NSD2: variants seen among roughly 807,000 people sequenced by gnomAD.
The protein encoded by NSD2 is nuclear receptor binding SET domain protein 2.
NSD2 carries 12 observed loss-of-function variants against 139.0 expected under a neutral mutation model. The observed-to-expected ratio is 0.09, with a 90% CI of 0.06 to 0.14. NSD2 has a LOEUF of 0.14. NSD2 is among the 10% of genes least tolerant of loss of function. NSD2 has a pLI of 1.00. For synonymous variants in NSD2, 669 were observed against 648.7 expected (o/e 1.03, Z -0.48); for missense variants, 1,155 against 1,745.0 (o/e 0.66, Z 6.02).
Position 1,879,824 on chromosome 4 carries a change from TTGTGTG to T in NSD2, c.-30+8312_-30+8317del, listed in dbSNP as rs140755867. On this transcript the variant is annotated intron_variant, in intron 1 of 21. Coordinates refer to ENST00000508803, the MANE Select transcript of NSD2 (RefSeq NM_001042424.3). The stretch of plus-strand genomic sequence containing the variant: ...GTTGCAGACCCTGGGCCCATGGCAC[TTGTGTG>T]TGTGTGTGTGTGTGTGTGTGTGTGT... 3.8e-3 allele frequency among the ~76,000 whole-genome samples: 552 copies of T among 144,142 alleles called. 5 individuals are homozygous for T. The highest frequency in any genetic ancestry group is 0.011 in the African/African-American group (438 of 39,074). 94.6% of individuals were successfully genotyped at this position (144,142 alleles called of 152,430 possible). A position where few individuals can be genotyped will look rare whatever the true frequency, so the allele number is the denominator to read the frequency against.
intron 1 of NSD2, among the ~76,000 whole-genome samples, chr4:1,885,042 G>A (rs545678592): frequency 1.3e-5 from 2 of 151,856 alleles, no homozygotes; most frequent in East Asian, 1.9e-4. Context: ...CCCGGGAGGC[G>A]GAGGTTGCAG....
intron 3 of NSD2, among the ~76,000 whole-genome samples, chr4:1,907,987 T>TA (rs1718163905): frequency 6.6e-6 from 1 of 152,180 alleles, no homozygotes; most frequent in Non-Finnish European, 1.5e-5. Flanking sequence ...ACAGTTTCCT[T>TA]ATTGACTCAG....
Position 1,975,327 on chromosome 4 carries a change from G to A in NSD2, c.3548G>A (p.Cys1183Tyr). The stretch of plus-strand genomic sequence containing the variant: ...CTGACTTTTAACTACAACCTCGATT[G>A]TCTGGGCAATGAAAAAACGGTCTGC... ...TELTFNYNLD[C>Y]LGNEKTVCRC... Residue 1183 changes from cysteine to tyrosine, a missense_variant, in exon 20 of 22, where the codon TGT becomes TAT. Cys to Tyr is a radical substitution (Grantham distance 194). This residue lies in a region of NSD2 where 139 missense variants were observed against 485.8 expected (regional missense o/e 0.29). Transcript: ENST00000508803. 1 of 1,614,180 alleles carries A rather than the reference G, an allele frequency of 6.2e-7. No homozygotes were observed. Among genetic ancestry groups the A allele is most frequent in the Non-Finnish European group, 8.5e-7 (1 of 1,180,038 alleles).
At chr4:1,927,185 T>G (rs1048001037) in intron 5 of NSD2, among the ~76,000 whole-genome samples, 2 of 152,150 alleles carry the variant, frequency 1.3e-5, no homozygotes, top group African/African-American at 4.8e-5. Flanking sequence ...CACAACATGA[T>G]GGGGGCTGGC....
At chr4:1,930,033 A>G (rs971026835) in intron 5 of NSD2, among the ~76,000 whole-genome samples, 4 of 152,160 alleles carry the variant, frequency 2.6e-5, no homozygotes, top group African/African-American at 7.2e-5. Flanking sequence ...CTGCATTTCT[A>G]GCATGCTCCG....
intron 7 of NSD2, among the ~76,000 whole-genome samples, chr4:1,936,667 CAAAA>C (rs879590049): frequency 7.6e-5 from 4 of 52,486 alleles, no homozygotes; most frequent in African/African-American, 5.7e-5. Context: ...GACTCCATCT[CAAAA>C]AAAAAAAAAA....
chr4:1,962,222 C>T (rs149309954), intron 18 of NSD2, among the ~76,000 whole-genome samples: 1 of 152,272 alleles, frequency 6.6e-6, no homozygotes, highest in Admixed American at 6.5e-5. Context: ...AATCACAGGT[C>T]GTGGGGCTTA....
intron 18 of NSD2, among the ~76,000 whole-genome samples, chr4:1,971,850 A>C (rs573397474): frequency 6.6e-6 from 1 of 152,338 alleles, no homozygotes; most frequent in East Asian, 1.9e-4. Context: ...CATTTGAGAA[A>C]ATTCAAACCT....
chr4:1,877,954 A>C (rs1177205562), intron 1 of NSD2, among the ~76,000 whole-genome samples: 1 of 152,096 alleles, frequency 6.6e-6, no homozygotes, highest in African/African-American at 2.4e-5. Context: ...ACTCCAGCCC[A>C]GGAGTTTGAG....
intron 8 of NSD2, 135 bp downstream of exon 8, chr4:1,938,667 C>T (rs1258659724): frequency 3.4e-6 from 2 of 593,652 alleles, no homozygotes; most frequent in Non-Finnish European, 5.6e-6. Flanking sequence ...CACAATTAAG[C>T]TAGGAGTGAA....
In NSD2 at chr4:1,953,541, G is replaced by A. The variant is rs769010945; in HGVS notation, c.2338+17G>A. ...CGTCAAAAGGTACAGGTGCACCTGC[G>A]CAGCCTTGCTGTGGGTTCAGATGCA... On this transcript the variant is annotated intron_variant, in intron 12 of 21. Transcript: ENST00000508803. 14 of 1,588,320 alleles carry A rather than the reference G, an allele frequency of 8.8e-6. No homozygotes were observed. Among genetic ancestry groups the A allele is most frequent in the Admixed American group, 5.1e-5 (3 of 58,562 alleles).
intron 18 of NSD2, among the ~76,000 whole-genome samples, chr4:1,967,863 A>T (rs1469282208): frequency 6.6e-6 from 1 of 152,004 alleles, no homozygotes; most frequent in Non-Finnish European, 1.5e-5. Flanking sequence ...ATCTCATTGT[A>T]ACCATGTGTG....
At chr4:1,877,019 C>A (rs1438462495) in intron 1 of NSD2, among the ~76,000 whole-genome samples, 1 of 151,868 alleles carries the variant, frequency 6.6e-6, no homozygotes, top group Non-Finnish European at 1.5e-5. Flanking sequence ...TGCCTGTAAT[C>A]CCAGCTACTC....
At chr4:1,905,320 A>G (rs1368803030) in intron 3 of NSD2, among the ~76,000 whole-genome samples, 1 of 152,248 alleles carries the variant, frequency 6.6e-6, no homozygotes, top group Non-Finnish European at 1.5e-5. Flanking sequence ...AGAACTGAGC[A>G]AGTTAGTGTC....
In NSD2 at chr4:1,948,664, A is replaced by G. The variant is rs569797447; in HGVS notation, c.1882-2408A>G. On this transcript the variant is annotated intron_variant, in intron 9 of 21. Coordinates refer to ENST00000508803, the MANE Select transcript of NSD2 (RefSeq NM_001042424.3). The surrounding 1 kb of genome is among the most constrained non-coding windows in gnomAD (Gnocchi z 4.5). ...AGACCCTGATCAGGAAATGAGCCTCATGTGTGTCGTTAACATTTATATATT... is the reference window on the plus strand; with the variant it reads ...AGACCCTGATCAGGAAATGAGCCTCGTGTGTGTCGTTAACATTTATATATT... 1.3e-5 allele frequency: 14 copies of G among 1,059,148 alleles called. No individual in the cohort carries two copies. Among genetic ancestry groups the G allele is most frequent in the African/African-American group, 1.6e-5 (1 of 60,700 alleles). 65.6% of individuals were successfully genotyped at this position (1,059,148 alleles called of 1,614,324 possible).
At chr4:1,908,942 C>T (rs1251871574) in intron 3 of NSD2, among the ~76,000 whole-genome samples, 1 of 152,074 alleles carries the variant, frequency 6.6e-6, no homozygotes, top group Non-Finnish European at 1.5e-5. Flanking sequence ...GCCACCATAC[C>T]TGTCCCCAGC....
intron 9 of NSD2, chr4:1,945,126 C>T (rs1311327473): frequency 2.8e-6 from 3 of 1,066,292 alleles, no homozygotes; most frequent in Non-Finnish European, 3.4e-6. Flanking sequence ...GAGGTCCCCG[C>T]AGCTCTAGGG....
At chr4:1,959,380 G>T in intron 16 of NSD2, 91 bp from the exon 17 acceptor site, 1 of 1,500,788 alleles carries the variant, frequency 6.7e-7, no homozygotes, top group East Asian at 2.3e-5. Context: ...AGGCCACCTG[G>T]AGGCTGGGTA....
chr4:1,952,895 T>G, intron 11 of NSD2: 1 of 1,374,240 alleles, frequency 7.3e-7, no homozygotes, highest in South Asian at 1.8e-5. Context: ...ACCTGGAGAG[T>G]CTCCCAGGCC....
Sources: gnomAD v4.1 joint callset for allele counts (sites outside exome capture counted in the v4.1 genomes callset) on GRCh38, gnomAD v4.1.1 for gene constraint, gnomAD v4.1.1 regional missense constraint, Gnocchi (gnomAD v3.1) non-coding constraint, MANE v1.5 for transcripts, NCBI Gene and HGNC (gene_info 2026-07-23, HGNC 2026-07-21) for gene names.